The following TDRD5 variants were observed in gnomAD, a reference collection of about 807,000 sequenced individuals.
TDRD5 encodes tudor domain-containing protein 5.
Under a neutral mutation model 120.6 loss-of-function variants are expected in TDRD5, and 41 were observed. The ratio of observed to expected loss-of-function variants is 0.34; its 90% confidence interval spans 0.26 to 0.44. The LOEUF is 0.44. Among genes scored for constraint, TDRD5 ranks in the 20% least tolerant of loss-of-function variants. The pLI, the probability that TDRD5 is intolerant of heterozygous loss-of-function variation, is 1.00. For synonymous variants in TDRD5, 430 were observed against 433.7 expected, an observed-to-expected ratio of 0.99 and a Z score of 0.11; for missense variants, 1,006 against 1,221.2, an observed-to-expected ratio of 0.82 and a Z score of 2.63.
At chr1:179,666,210 C>G (rs971823157) in intron 16 of TDRD5, among the ~76,000 whole-genome samples, 1 of 152,164 alleles carries the variant, frequency 6.6e-6, no homozygotes, top group African/African-American at 2.4e-5. Flanking sequence ...TCTTGTGTAT[C>G]CTTCCTAGAA....
chr1:179,635,495 C>T (rs1017532818), intron 8 of TDRD5, among the ~76,000 whole-genome samples, 172 bp from the exon 9 acceptor site: 3 of 152,122 alleles, frequency 2.0e-5, no homozygotes, highest in African/African-American at 7.2e-5. Flanking sequence ...TTGTGGGCCC[C>T]ATTCCCAGGC....
chr1:179,669,354 C>A lies in TDRD5; in HGVS notation c.2810C>A (p.Pro937His). The A allele has an allele frequency of 6.2e-7, 1 of 1,614,164 alleles. No homozygotes were observed. ...CAAATTCAGCTTTCCACAGCAGCAC[C>A]CTGTTCAACAACTGCAGTGGATGAT... ...PKQIQLSTAA[P>H]CSTTAVDDSA... The change falls in exon 17 of 18, where the codon CCC becomes CAC. Residue 937 changes from proline (P) to histidine (H), a missense_variant. Physicochemically the swap from Pro to His is moderately conservative, Grantham distance 77. Around this residue, in one of 3 missense-constraint regions of TDRD5, gnomAD observed 403 missense variants for 448.1 expected, o/e 0.90. Coordinates refer to ENST00000444136, the MANE Select transcript of TDRD5 (RefSeq NM_001199085.3).
intron 7 of TDRD5, 144 bp downstream of exon 7, chr1:179,631,064 G>A: frequency 1.1e-6 from 1 of 899,692 alleles, no homozygotes. Context: ...AGGTTAATCT[G>A]TATTGTTAAT....
Position 179,662,167 on chromosome 1 carries a change from G to A in TDRD5, c.2386G>A (p.Glu796Lys). The A allele has an allele frequency of 6.2e-7, 1 of 1,611,248 alleles. No individual in the cohort carries two copies. Among genetic ancestry groups the A allele is most frequent in the East Asian group, 2.2e-5 (1 of 44,678 alleles). The change falls in exon 15 of 18, where the codon GAG becomes AAG. Residue 796 changes from glutamate to lysine, a missense_variant. Around this residue, in one of 3 missense-constraint regions of TDRD5, gnomAD observed 403 missense variants for 448.1 expected, o/e 0.90. Transcript: ENST00000444136. ...GACCATAGGTGATGATATTTGGGATGAGAACTGGTTACCTCTACAGGCTAA... is the reference window on the plus strand; with the variant it reads ...GACCATAGGTGATGATATTTGGGATAAGAACTGGTTACCTCTACAGGCTAA... ...SVTIGDDIWDENWLPLQAKMG... is the reference protein window; with the variant it reads ...SVTIGDDIWDKNWLPLQAKMG...
At chr1:179,640,276 C>A (rs977561822) in intron 10 of TDRD5, 103 bp from the exon 11 acceptor site, 2 of 1,292,518 alleles carry the variant, frequency 1.5e-6, no homozygotes, top group African/African-American at 1.5e-5. Flanking sequence ...GATGAGATTA[C>A]GTTTTAGTCT....
chr1:179,689,180 A>G (rs4652440), intron 17 of TDRD5, among the ~76,000 whole-genome samples: 62,722 of 151,862 alleles, frequency 0.41, 12,995 homozygotes, highest in Admixed American at 0.45. Flanking sequence ...CCATCTTTGT[A>G]GTTTTATCTA....
At chr1:179,600,082 G>T (rs1274400186) in intron 4 of TDRD5, among the ~76,000 whole-genome samples, 2 of 152,038 alleles carry the variant, frequency 1.3e-5, no homozygotes, top group Non-Finnish European at 2.9e-5. Context: ...CAGAAGGAAG[G>T]CATTGTTATC....
chr1:179,663,311 T>C, intron 15 of TDRD5, 37 bp from the exon 16 acceptor site: 1 of 1,582,660 alleles, frequency 6.3e-7, no homozygotes, highest in Non-Finnish European at 8.6e-7. Context: ...CATGTTGCAC[T>C]TTATCTCAGT....
chr1:179,670,698 C>T (rs1314080721), intron 17 of TDRD5, among the ~76,000 whole-genome samples: 1 of 152,126 alleles, frequency 6.6e-6, no homozygotes, highest in Non-Finnish European at 1.5e-5. Context: ...ATTTGCCATT[C>T]ATATATCTTC....
chr1:179,665,819 C>G (rs1014456444), intron 16 of TDRD5, among the ~76,000 whole-genome samples: 1 of 151,882 alleles, frequency 6.6e-6, no homozygotes, highest in Non-Finnish European at 1.5e-5. Context: ...TTTTCTATTC[C>G]TATTCTAAAG....
rs367720752 is a variant in TDRD5, at chr1:179,615,383, C to T, written c.832-3216C>T. Among the ~76,000 whole-genome samples, 11 of 152,130 alleles carry T rather than the reference C, an allele frequency of 7.2e-5. 1 individual carries two copies. In the East Asian group the frequency reaches 1.9e-3, roughly 27 times the overall value. ...TATGTATTTGAGGTTGAACTTTATG[C>T]TTTAATTTGCTACTTAGTCTTCTAT... On this transcript the variant is annotated intron_variant, in intron 4 of 17. Transcript: ENST00000444136.
intron 17 of TDRD5, among the ~76,000 whole-genome samples, chr1:179,690,345 C>G (rs1681071525): frequency 6.6e-6 from 1 of 152,198 alleles, no homozygotes; most frequent in Non-Finnish European, 1.5e-5. Flanking sequence ...TAGCTTAGTG[C>G]TGGAAGGAAA....
intron 17 of TDRD5, among the ~76,000 whole-genome samples, chr1:179,680,701 C>T (rs954579750): frequency 5.9e-5 from 9 of 152,124 alleles, no homozygotes; most frequent in African/African-American, 1.7e-4. Flanking sequence ...CTGTGGCTCA[C>T]GCCTGTAATC....
chr1:179,634,734 GGATATATCATTTATTA>G, intron 8 of TDRD5, 105 bp downstream of exon 8: 29 of 1,269,338 alleles, frequency 2.3e-5, no homozygotes, highest in Non-Finnish European at 3.1e-5. Context: ...TCTTATTTCT[GGATATATCATTTATTA>G]GAAGAAATCA....
At chr1:179,689,937 C>G (rs1282911242) in intron 17 of TDRD5, among the ~76,000 whole-genome samples, 1 of 152,178 alleles carries the variant, frequency 6.6e-6, no homozygotes, top group African/African-American at 2.4e-5. Context: ...ACCCGATTTT[C>G]CAGGTGCCAT....
At chr1:179,592,379 CA>C (rs1340408313) in intron 1 of TDRD5, 5 of 484,318 alleles carry the variant, frequency 1.0e-5, no homozygotes, top group African/African-American at 7.8e-5. Flanking sequence ...TCCGCATGGC[CA>C]GGGGCAGAGT....
chr1:179,649,522 T>C (rs1398231112), intron 11 of TDRD5, among the ~76,000 whole-genome samples: 1 of 152,184 alleles, frequency 6.6e-6, no homozygotes, highest in African/African-American at 2.4e-5. Context: ...TGTTACTGAA[T>C]TAACCTATGA....
chr1:179,664,359 A>G (rs1476785593), intron 16 of TDRD5, among the ~76,000 whole-genome samples: 2 of 152,008 alleles, frequency 1.3e-5, no homozygotes, highest in South Asian at 2.1e-4. Flanking sequence ...AAAATGCACA[A>G]TTCAATGTTT....
intron 10 of TDRD5, 96 bp from the exon 11 acceptor site, chr1:179,640,283 G>A (rs1249693710): frequency 1.5e-6 from 2 of 1,357,498 alleles, no homozygotes; most frequent in Non-Finnish European, 2.1e-6. Flanking sequence ...TTACGTTTTA[G>A]TCTCTTATTA....
Sources: allele counts gnomAD v4.1 joint callset (sites outside exome capture counted in the v4.1 genomes callset), GRCh38; gene constraint gnomAD v4.1.1; regional missense constraint gnomAD v4.1.1; transcripts MANE v1.5; gene names NCBI Gene and HGNC (gene_info 2026-07-23, HGNC 2026-07-21).